Variants in SMIM40 observed in about 807,000 individuals in gnomAD.
SMIM40 encodes the protein small integral membrane protein 40.
intron 1 of SMIM40, among the ~76,000 whole-genome samples, chr6:33,328,189 T>A (rs1450101149): frequency 6.6e-6 from 1 of 151,612 alleles, no homozygotes; most frequent in African/African-American, 2.4e-5. Context: ...TATTTTTATT[T>A]ATTTATTTAT....
intron 1 of SMIM40, among the ~76,000 whole-genome samples, chr6:33,327,910 G>T: frequency 7.0e-6 from 1 of 143,364 alleles, no homozygotes. Context: ...CCAACATGGT[G>T]AAATCCCCAT....
chr6:33,324,758 G>A (rs7770218), intron 1 of SMIM40, among the ~76,000 whole-genome samples: 2 of 149,278 alleles, frequency 1.3e-5, no homozygotes, highest in South Asian at 4.2e-4. Context: ...GGTGGCAGGC[G>A]CCTGTAGCTC....
At chr6:33,324,371 C>T (rs1189671229) in intron 1 of SMIM40, among the ~76,000 whole-genome samples, 1 of 147,456 alleles carries the variant, frequency 6.8e-6, no homozygotes, top group Non-Finnish European at 1.5e-5. Flanking sequence ...TCTCCTTTTA[C>T]AATAGAGTCA....
At chr6:33,325,960 T>C (rs1771146357) in intron 1 of SMIM40, among the ~76,000 whole-genome samples, 2 of 149,154 alleles carry the variant, frequency 1.3e-5, no homozygotes, top group South Asian at 4.2e-4. Flanking sequence ...ACAACTAGAG[T>C]CTTACAATCA....
chr6:33,327,635 G>A (rs555855025), intron 1 of SMIM40, among the ~76,000 whole-genome samples: 17 of 151,710 alleles, frequency 1.1e-4, no homozygotes, highest in South Asian at 6.2e-4. Context: ...TGAGGTGGGC[G>A]GATCACTTGA....
chr6:33,324,545 C>CTTTTTTTT lies in SMIM40; in HGVS notation c.*40-523_*40-516dup, dbSNP rs9280406. ...CAAGGCACCATGAATACCACCTTTT[C>CTTTTTTTT]TTTTTTTTTTTTTTTTTTTTCCTTT... On this transcript the variant is annotated intron_variant, in intron 1 of 2. Transcript: ENST00000494082. Among the ~76,000 whole-genome samples, 11 of 103,202 alleles carry CTTTTTTTT rather than the reference C, an allele frequency of 1.1e-4. No homozygotes were observed. The South Asian group carries it at 3.0e-3, about 28-fold the overall frequency. 67.7% of individuals were successfully genotyped at this position (103,202 alleles called of 152,430 possible).
chr6:33,327,686 CT>C (rs1322551355), intron 1 of SMIM40, among the ~76,000 whole-genome samples: 12 of 151,790 alleles, frequency 7.9e-5, no homozygotes, highest in Non-Finnish European at 1.5e-4. Context: ...ATGATGAAAC[CT>C]TGTCTCTACT....
chr6:33,327,092 C>T (rs146144738), intron 1 of SMIM40, among the ~76,000 whole-genome samples: 1 of 147,906 alleles, frequency 6.8e-6, no homozygotes, highest in East Asian at 1.9e-4. Flanking sequence ...CCACTACACT[C>T]CAGCATGGGC....
rs1020240945 is a variant in SMIM40 at position 33,328,977 on chromosome 6, C to A, written c.*39+10G>T. 7.5e-6 allele frequency: 3 copies of A among 397,766 alleles called. No individual in the cohort carries two copies. Among genetic ancestry groups the A allele is most frequent in the Non-Finnish European group, 1.3e-5 (3 of 225,830 alleles). The allele number at this position is 397,766 out of a possible 1,614,324, so 24.6% of individuals were successfully genotyped here. A position where few individuals can be genotyped will look rare whatever the true frequency, so the allele number is the denominator to read the frequency against. On this transcript the variant is annotated intron_variant, in intron 1 of 2. Transcript: ENST00000494082. ...CAACACTCCCATTTCCCTCCTGTCTCCCCTCTCACCTCCTTGGTGGGGAAA... is the reference window on the plus strand; with the variant it reads ...CAACACTCCCATTTCCCTCCTGTCTACCCTCTCACCTCCTTGGTGGGGAAA...
intron 1 of SMIM40, among the ~76,000 whole-genome samples, chr6:33,326,345 A>T (rs1581803713): frequency 7.2e-6 from 1 of 138,366 alleles, no homozygotes; most frequent in African/African-American, 3.0e-5. Flanking sequence ...TATTTTTTGT[A>T]TTTTTTTTTT....
chr6:33,326,067 G>C (rs1771152221), intron 1 of SMIM40, among the ~76,000 whole-genome samples: 1 of 149,404 alleles, frequency 6.7e-6, no homozygotes, highest in African/African-American at 2.6e-5. Flanking sequence ...AAAGCATAAA[G>C]TTTGTGGGGA....
intron 1 of SMIM40, among the ~76,000 whole-genome samples, chr6:33,325,876 G>C (rs1279258899): frequency 2.7e-5 from 4 of 146,968 alleles, no homozygotes; most frequent in Non-Finnish European, 4.4e-5. Flanking sequence ...AAAAAAAAGT[G>C]TACGATCACA....
chr6:33,328,886 CAAAAAAA>C (rs9280408), intron 1 of SMIM40, 94 bp downstream of exon 1: 5 of 275,614 alleles, frequency 1.8e-5, no homozygotes, highest in Non-Finnish European at 3.2e-5. Context: ...AACTCCATCT[CAAAAAAA>C]AAAAAAAAAA....
At chr6:33,327,195 G>A (rs1342189736) in intron 1 of SMIM40, among the ~76,000 whole-genome samples, 1 of 148,994 alleles carries the variant, frequency 6.7e-6, no homozygotes, top group East Asian at 1.9e-4. Context: ...GCCGAGGCAG[G>A]CAGATCACGA....
intron 1 of SMIM40, among the ~76,000 whole-genome samples, chr6:33,326,163 CTTT>C (rs770269427): frequency 7.4e-6 from 1 of 135,696 alleles, no homozygotes; most frequent in Non-Finnish European, 1.6e-5. Flanking sequence ...CTAATTTATA[CTTT>C]TTTTTTTTTT....
At chr6:33,328,920 C>T in intron 1 of SMIM40, 67 bp downstream of exon 1, 1 of 386,302 alleles carries the variant, frequency 2.6e-6, no homozygotes, top group Non-Finnish European at 4.6e-6. Context: ...GACTGCTGCC[C>T]TAAGCTATCC....
chr6:33,327,122 T>G (rs910218299), intron 1 of SMIM40, among the ~76,000 whole-genome samples: 4 of 145,706 alleles, frequency 2.7e-5, no homozygotes, highest in African/African-American at 1.1e-4. Context: ...AGACTGTGTC[T>G]CAAAAAAATA....
Position 33,323,664 on chromosome 6 carries a change from G to A in SMIM40, c.*300C>T, listed in dbSNP as rs1770940928. 1 of 152,272 alleles carries A rather than the reference G, an allele frequency of 6.6e-6. No homozygotes were observed. The highest frequency in any genetic ancestry group is 1.5e-5 in the Non-Finnish European group (1 of 68,064). The allele number at this position is 152,272 out of a possible 1,614,324, so 9.4% of individuals were successfully genotyped here. A position where few individuals can be genotyped will look rare whatever the true frequency, so the allele number is the denominator to read the frequency against. The stretch of plus-strand genomic sequence containing the variant: ...TTGTTATTACTATTGTTGCTGATTT[G>A]CTTTTCAAGCTTCACCACAGAACTA... On this transcript the variant is annotated 3_prime_UTR_variant, in exon 3 of 3. Coordinates refer to ENST00000494082, the MANE Select transcript of SMIM40 (RefSeq NM_001369203.1).
intron 1 of SMIM40, among the ~76,000 whole-genome samples, chr6:33,327,945 G>A (rs1771309438): frequency 6.7e-6 from 1 of 148,302 alleles, no homozygotes; most frequent in South Asian, 2.1e-4. Flanking sequence ...TAAAAATTAG[G>A]GGTGCTGGTG....
Sources: allele counts gnomAD v4.1 joint callset (sites outside exome capture counted in the v4.1 genomes callset), GRCh38; gene constraint gnomAD v4.1.1; transcripts MANE v1.5; gene names NCBI Gene and HGNC (gene_info 2026-07-23, HGNC 2026-07-21).